Variants in MALT1 observed in about 807,000 individuals in gnomAD.
The protein encoded by MALT1 is MALT1 paracaspase, also known as mucosa-associated lymphoid tissue lymphoma translocation protein 1.
In MALT1, 36 loss-of-function variants were observed where a neutral mutation model predicts 85.5. The observed-to-expected ratio is 0.42, with a 90% CI of 0.32 to 0.56. The LOEUF (loss-of-function observed/expected upper bound fraction) is 0.56, where lower values mean the gene tolerates loss of function less well. Among genes scored for constraint, MALT1 ranks in the 20% least tolerant of loss-of-function variants. The pLI, the probability that MALT1 is intolerant of heterozygous loss-of-function variation, is 0.10. For synonymous variants in MALT1, 359 were observed against 361.3 expected, an observed-to-expected ratio of 0.99 and a Z score of 0.07; for missense variants, 716 against 981.6, an observed-to-expected ratio of 0.73 and a Z score of 3.62.
At chr18:58,691,042 G>A (rs2054490663) in intron 2 of MALT1, 4 of 268,418 alleles carry the variant, frequency 1.5e-5, no homozygotes, top group South Asian at 1.2e-4. Flanking sequence ...CCACCACCTG[G>A]AATTGTGTCT....
chr18:58,713,712 C>A lies in MALT1; in HGVS notation c.959-371C>A, dbSNP rs77052868. Among the ~76,000 whole-genome samples, 458 of 152,322 alleles carry A rather than the reference C, an allele frequency of 3.0e-3. 10 individuals carry two copies. The East Asian group carries it at 0.063, about 21-fold the overall frequency. On this transcript the variant is annotated intron_variant, in intron 7 of 16. Coordinates refer to ENST00000649217, the MANE Select transcript of MALT1 (RefSeq NM_006785.4). ...ATGGGGTATATAGGAACTCTCTCTG[C>A]ACTACCTTCACAGTAGTTCTGTAAA...
intron 13 of MALT1, among the ~76,000 whole-genome samples, chr18:58,737,580 T>C (rs2055241087): frequency 6.6e-6 from 1 of 152,130 alleles, no homozygotes; most frequent in Non-Finnish European, 1.5e-5. Context: ...TTTCTTTTTT[T>C]AATTTTTTGG....
At chr18:58,684,474 T>C (rs2054370294) in intron 2 of MALT1, among the ~76,000 whole-genome samples, 2 of 143,616 alleles carry the variant, frequency 1.4e-5, no homozygotes, top group South Asian at 4.3e-4. Context: ...GAGATGGAGT[T>C]TTGCTCTTCT....
intron 7 of MALT1, among the ~76,000 whole-genome samples, chr18:58,711,580 C>A (rs1396579347): frequency 6.6e-6 from 1 of 152,120 alleles, no homozygotes; most frequent in African/African-American, 2.4e-5. Flanking sequence ...TTAGCCAAAG[C>A]ATTGTACTTA....
chr18:58,715,324 G>A (rs1001458970), intron 8 of MALT1, among the ~76,000 whole-genome samples: 19 of 152,134 alleles, frequency 1.2e-4, no homozygotes, highest in African/African-American at 4.3e-4. Context: ...CACAATTCAG[G>A]GAGTACCAAA....
At chr18:58,703,227 C>T (rs891705997) in intron 4 of MALT1, among the ~76,000 whole-genome samples, 49 of 151,990 alleles carry the variant, frequency 3.2e-4, no homozygotes, top group Admixed American at 2.6e-3. Context: ...TGTGGTGGCC[C>T]GTGACTGTAA....
Position 58,710,970 on chromosome 18 carries a change from G to C in MALT1, c.958+17G>C. ...GCACTGAAGGTAGTGTAAGTCTTTG[G>C]TTTGAAACCAAATCTCCTGCATGCT... On this transcript the variant is annotated intron_variant, in intron 7 of 16. Coordinates refer to ENST00000649217, the MANE Select transcript of MALT1 (RefSeq NM_006785.4). 1 of 1,559,816 alleles carries C rather than the reference G, an allele frequency of 6.4e-7. No homozygotes were observed. The highest frequency in any genetic ancestry group is 8.7e-7 in the Non-Finnish European group (1 of 1,155,530).
chr18:58,748,939 G>A lies in MALT1; in HGVS notation c.*1097G>A, dbSNP rs563022291. On this transcript the variant is annotated 3_prime_UTR_variant, in exon 17 of 17. Coordinates refer to ENST00000649217, the MANE Select transcript of MALT1 (RefSeq NM_006785.4). Reference sequence around the variant, plus strand: ...ACTTACTCTAGGTCAGTATTACCCTGATACTAGACTAGACATCACAAGAAA... The same window carrying A: ...ACTTACTCTAGGTCAGTATTACCCTAATACTAGACTAGACATCACAAGAAA... 4 of 207,316 alleles carry A rather than the reference G, an allele frequency of 1.9e-5. No homozygotes were observed. In the East Asian group the frequency reaches 2.9e-4, roughly 15 times the overall value. The allele number at this position is 207,316 out of a possible 1,614,324, so 12.8% of individuals were successfully genotyped here. A position where few individuals can be genotyped will look rare whatever the true frequency, so the allele number is the denominator to read the frequency against.
chr18:58,676,564 A>G (rs893256496), intron 1 of MALT1, among the ~76,000 whole-genome samples: 5 of 152,206 alleles, frequency 3.3e-5, no homozygotes, highest in African/African-American at 1.2e-4. Context: ...AGGTAACCAC[A>G]TGACTTGTTC....
In MALT1 at chr18:58,681,333, C is replaced by T; in HGVS notation, c.373C>T (p.Pro125Ser). 1.2e-6 allele frequency: 2 copies of T among 1,612,354 alleles called. No individual in the cohort carries two copies. The highest frequency in any genetic ancestry group is 8.5e-7 in the Non-Finnish European group (1 of 1,179,222). Residue 125 changes from proline to serine, a missense_variant, in exon 2 of 17, where the codon CCA (proline) becomes TCA (serine). Coordinates refer to ENST00000649217, the MANE Select transcript of MALT1 (RefSeq NM_006785.4). ...TGAAGTTCTTCAGCTTCTCAGCCCC[C>T]CAGGTAGGTTTTGTTCTTAGGATTA... The part of the protein sequence containing the change: ...HTEVLQLLSP[P>S]GIKITVNPES...
intron 9 of MALT1, among the ~76,000 whole-genome samples, chr18:58,719,728 A>G (rs571725248): frequency 3.6e-4 from 55 of 152,304 alleles, no homozygotes; most frequent in Non-Finnish European, 6.3e-4. Flanking sequence ...AATGGCCTTG[A>G]ATGCCAAACT....
chr18:58,706,983 G>A (rs575178991), intron 4 of MALT1, among the ~76,000 whole-genome samples: 1 of 151,988 alleles, frequency 6.6e-6, no homozygotes, highest in South Asian at 2.1e-4. Flanking sequence ...TTATATGTAT[G>A]TTAGACTATT....
At chr18:58,719,035 A>G (rs749532445) in intron 9 of MALT1, among the ~76,000 whole-genome samples, 16 of 152,208 alleles carry the variant, frequency 1.1e-4, no homozygotes, top group Admixed American at 3.9e-4. Flanking sequence ...GTAGAAAACT[A>G]GGGAAGGAGT....
intron 2 of MALT1, among the ~76,000 whole-genome samples, chr18:58,689,207 T>C (rs2054457636): frequency 6.7e-6 from 1 of 149,568 alleles, no homozygotes; most frequent in Non-Finnish European, 1.5e-5. Context: ...TTAAAACCTT[T>C]AAAAGGCAAG....
intron 9 of MALT1, among the ~76,000 whole-genome samples, chr18:58,718,692 A>G (rs2054938626): frequency 6.6e-6 from 1 of 152,228 alleles, no homozygotes; most frequent in Non-Finnish European, 1.5e-5. Flanking sequence ...TGTGAATTCA[A>G]GGCTTTGGAT....
At chr18:58,694,448 GAC>G (rs1266548937) in intron 2 of MALT1, among the ~76,000 whole-genome samples, 4 of 152,116 alleles carry the variant, frequency 2.6e-5, no homozygotes, top group African/African-American at 9.7e-5. Flanking sequence ...AGAAGAAAAA[GAC>G]ACTGTTATGA....
At chr18:58,747,259 A>C (rs2055380743) in intron 16 of MALT1, 146 bp from the exon 17 acceptor site, 1 of 612,996 alleles carries the variant, frequency 1.6e-6, no homozygotes, top group African/African-American at 1.8e-5. Flanking sequence ...TTTCAGGGAG[A>C]TATAAAGGAT....
Position 58,690,655 on chromosome 18 carries a change from C to G in MALT1, c.377-5711C>G, listed in dbSNP as rs150415364. 5.4e-3 allele frequency: 924 copies of G among 170,058 alleles called. 5 individuals are homozygous for G. Among genetic ancestry groups the G allele is most frequent in the Non-Finnish European group, 7.7e-3 (581 of 75,078 alleles). The allele number at this position is 170,058 out of a possible 1,614,324, so 10.5% of individuals were successfully genotyped here. A position where few individuals can be genotyped will look rare whatever the true frequency, so the allele number is the denominator to read the frequency against. On this transcript the variant is annotated intron_variant, in intron 2 of 16. Transcript: ENST00000649217. Reference sequence around the variant, plus strand: ...GACCCTGGGACCCTGGCTCGAAGCACCCAAAGTTCTGCTGCTCAAGCTCCA... The same window carrying G: ...GACCCTGGGACCCTGGCTCGAAGCAGCCAAAGTTCTGCTGCTCAAGCTCCA...
chr18:58,731,926 T>C (rs920558307), intron 10 of MALT1, among the ~76,000 whole-genome samples: 4 of 152,126 alleles, frequency 2.6e-5, no homozygotes, highest in African/African-American at 9.7e-5. Context: ...CACTTGAAAA[T>C]GGGTATATCC....
Sources: gnomAD v4.1 joint callset for allele counts (sites outside exome capture counted in the v4.1 genomes callset) on GRCh38, gnomAD v4.1.1 for gene constraint, MANE v1.5 for transcripts, NCBI Gene and HGNC (gene_info 2026-07-23, HGNC 2026-07-21) for gene names.